Variants in BRD10 observed in about 807,000 individuals in gnomAD.
BRD10 encodes the protein bromodomain containing 10.
chr9:5,988,171 G>A, the BRD10 span, among the ~76,000 whole-genome samples: 1 of 152,118 alleles, frequency 6.6e-6, no homozygotes, highest in Non-Finnish European at 1.5e-5. Context: ...TTCAAGATAA[G>A]TGGTTTTAAA....
chr9:5,921,657 T>C, the BRD10 span: 3 of 1,613,986 alleles, frequency 1.9e-6, no homozygotes, highest in South Asian at 2.2e-5. Context: ...GGGTAACTTT[T>C]TGTGATATAA....
the BRD10 span, among the ~76,000 whole-genome samples, chr9:5,895,943 A>C: frequency 6.6e-6 from 1 of 152,240 alleles, no homozygotes; most frequent in African/African-American, 2.4e-5. Context: ...TGGACGCCAC[A>C]GGGTAAAATG....
chr9:5,919,058 C>T, the BRD10 span: 1 of 152,568 alleles, frequency 6.6e-6, no homozygotes, highest in Non-Finnish European at 1.5e-5. Context: ...GATTCTTCTG[C>T]ATTGTTGCTA....
chr9:5,971,681 C>T, the BRD10 span, among the ~76,000 whole-genome samples: 6 of 152,014 alleles, frequency 3.9e-5, no homozygotes, highest in African/African-American at 1.4e-4. Context: ...ATTAAATATT[C>T]TTAATAAAAT....
At chr9:5,968,120 C>G in the BRD10 span, 5 of 1,574,000 alleles carry the variant, frequency 3.2e-6, no homozygotes, top group South Asian at 2.3e-5. Context: ...AAGACCTTCA[C>G]GCTTTCTCTG....
the BRD10 span, among the ~76,000 whole-genome samples, chr9:5,970,687 T>A: frequency 6.6e-6 from 1 of 152,176 alleles, no homozygotes; most frequent in Non-Finnish European, 1.5e-5. Flanking sequence ...ATGTACTTAA[T>A]AGGAGACTTG....
chr9:5,879,852 T>A, the BRD10 span, among the ~76,000 whole-genome samples: 5 of 152,174 alleles, frequency 3.3e-5, no homozygotes, highest in African/African-American at 1.2e-4. Context: ...ATAGCTCGGA[T>A]CTCCCTGTCA....
chr9:5,986,456 C>G, the BRD10 span, among the ~76,000 whole-genome samples: 1 of 152,098 alleles, frequency 6.6e-6, no homozygotes. Flanking sequence ...ACCTTTATAA[C>G]AGAATGATTT....
chr9:5,964,029 G>C, the BRD10 span, among the ~76,000 whole-genome samples: 13 of 151,982 alleles, frequency 8.6e-5, no homozygotes, highest in Non-Finnish European at 1.8e-4. Context: ...CAAAAGCAAT[G>C]GCAACAAAAG....
the BRD10 span, chr9:5,919,832 A>G: frequency 6.2e-7 from 1 of 1,613,992 alleles, no homozygotes; most frequent in South Asian, 1.1e-5. Context: ...TATGGTATTC[A>G]AAATGGCTCC....
the BRD10 span, among the ~76,000 whole-genome samples, chr9:5,956,204 T>C: frequency 6.6e-6 from 1 of 152,162 alleles, no homozygotes. Context: ...GAATTTCATC[T>C]TATTGTTACA....
the BRD10 span, chr9:5,922,610 T>C: frequency 6.2e-7 from 1 of 1,613,994 alleles, no homozygotes; most frequent in East Asian, 2.2e-5. Context: ...TGTACCTTTC[T>C]GTTGAAGTGG....
the BRD10 span, among the ~76,000 whole-genome samples, chr9:5,990,272 T>A: frequency 1.3e-5 from 2 of 152,214 alleles, no homozygotes; most frequent in Non-Finnish European, 2.9e-5. Flanking sequence ...GTATAATATT[T>A]TTAGTAGGTT....
chr9:5,956,025 C>G, the BRD10 span, among the ~76,000 whole-genome samples: 1 of 152,068 alleles, frequency 6.6e-6, no homozygotes, highest in Non-Finnish European at 1.5e-5. Flanking sequence ...ACTGAATGAT[C>G]TTGCTGACTT....
the BRD10 span, among the ~76,000 whole-genome samples, chr9:5,951,072 ACACACC>A: frequency 1.0e-3 from 135 of 131,980 alleles, no homozygotes; most frequent in African/African-American, 1.7e-3. Flanking sequence ...ACACACACAC[ACACACC>A]CCCACCCCAC....
At chr9:5,928,866 T>C in the BRD10 span, among the ~76,000 whole-genome samples, 1 of 152,198 alleles carries the variant, frequency 6.6e-6, no homozygotes, top group Non-Finnish European at 1.5e-5. Context: ...GTGGAGACTT[T>C]GTTTAGTCAA....
At chr9:5,973,192 C>T in the BRD10 span, among the ~76,000 whole-genome samples, 2 of 152,212 alleles carry the variant, frequency 1.3e-5, no homozygotes, top group Non-Finnish European at 2.9e-5. Context: ...AACAGTTGGG[C>T]CCTGTGGCTC....
At chr9:5,919,899 T>C in the BRD10 span, 3 of 1,613,978 alleles carry the variant, frequency 1.9e-6, no homozygotes, top group Non-Finnish European at 2.5e-6. Context: ...ACTGAAGTGC[T>C]ACTTGGCAGT....
At chr9:5,921,952 A>G in the BRD10 span, 1 of 1,613,922 alleles carries the variant, frequency 6.2e-7, no homozygotes, top group Non-Finnish European at 8.5e-7. Flanking sequence ...GTGTTTGGCT[A>G]AAAGGTGAAA....
Sources: gnomAD v4.1 joint callset for allele counts (sites outside exome capture counted in the v4.1 genomes callset) on GRCh38, gnomAD v4.1.1 for gene constraint, MANE v1.5 for transcripts, NCBI Gene and HGNC (gene_info 2026-07-23, HGNC 2026-07-21) for gene names.